The following FBXL13 variants were observed in gnomAD, a reference collection of about 807,000 sequenced individuals.
FBXL13 encodes the protein F-box and leucine rich repeat protein 13, also known as F-box and leucine-rich repeat protein 13.
FBXL13 carries 67 observed loss-of-function variants against 83.6 expected under a neutral mutation model. The ratio of observed to expected loss-of-function variants is 0.80; its 90% CI spans 0.66 to 0.98. FBXL13 has a LOEUF of 0.98. FBXL13 is among the 50% of genes least tolerant of loss of function. The probability of loss-of-function intolerance (pLI) is 0.00; values close to 1 mark genes in which losing one functional copy is unlikely to be tolerated. For missense variants in FBXL13, 822 were observed against 866.5 expected (o/e 0.95, Z 0.64); for synonymous variants, 272 against 299.5 (o/e 0.91, Z 0.95).
At chr7:102,978,396 G>T (rs919266511) in intron 6 of FBXL13, 1 of 152,434 alleles carries the variant, frequency 6.6e-6, no homozygotes, top group Non-Finnish European at 1.5e-5. Flanking sequence ...GTCCCAAGGC[G>T]CAAGGCCACT....
chr7:102,939,629 T>A (rs749420694), intron 8 of FBXL13: 1 of 1,541,018 alleles, frequency 6.5e-7, no homozygotes, highest in South Asian at 1.3e-5. Flanking sequence ...GCAAGTGTTC[T>A]GTGATTTTTT....
chr7:102,969,854 GGAAAA>G (rs200693598), intron 6 of FBXL13, among the ~76,000 whole-genome samples: 7 of 135,164 alleles, frequency 5.2e-5, no homozygotes, highest in South Asian at 2.4e-4. Flanking sequence ...GGGAGGGGAG[GGAAAA>G]GAAAAGAAAA....
intron 8 of FBXL13, among the ~76,000 whole-genome samples, chr7:102,957,363 A>G (rs1824450486): frequency 6.6e-6 from 1 of 152,186 alleles, no homozygotes; most frequent in Non-Finnish European, 1.5e-5. Flanking sequence ...TCCCTTCCTT[A>G]CACCTTATAC....
chr7:103,070,876 TACCTCCCACTGGGCCCC>T (rs1432900518), intron 1 of FBXL13, among the ~76,000 whole-genome samples: 1 of 152,150 alleles, frequency 6.6e-6, no homozygotes, highest in East Asian at 1.9e-4. Context: ...ATGACTCAAA[TACCTCCCACTGGGCCCC>T]ACCTCCAACA....
intron 1 of FBXL13, among the ~76,000 whole-genome samples, chr7:103,059,642 A>G (rs1454736446): frequency 2.0e-5 from 3 of 151,938 alleles, no homozygotes; most frequent in Admixed American, 2.0e-4. Flanking sequence ...AAATTCACAA[A>G]GCAATTACGT....
chr7:102,995,712 G>A (rs191128032), intron 6 of FBXL13, among the ~76,000 whole-genome samples: 175 of 151,560 alleles, frequency 1.2e-3, no homozygotes, highest in African/African-American at 3.7e-3. Context: ...GCTTGATCCC[G>A]GGACGTGGAG....
intron 11 of FBXL13, among the ~76,000 whole-genome samples, chr7:102,893,932 CAG>C (rs1467336767): frequency 2.3e-5 from 3 of 127,982 alleles, no homozygotes; most frequent in African/African-American, 9.4e-5. Context: ...GAGAGAGAGA[CAG>C]AGAAAGAGAA....
intron 6 of FBXL13, among the ~76,000 whole-genome samples, chr7:102,977,958 G>A (rs1457854727): frequency 6.6e-6 from 1 of 152,062 alleles, no homozygotes; most frequent in Non-Finnish European, 1.5e-5. Flanking sequence ...GGGGTGGGGG[G>A]AGAGGGGACG....
chr7:102,951,126 T>A (rs1310514877), intron 8 of FBXL13, among the ~76,000 whole-genome samples: 1 of 152,084 alleles, frequency 6.6e-6, no homozygotes, highest in Non-Finnish European at 1.5e-5. Context: ...ATAGGAAATC[T>A]CTATACCTTC....
At chr7:103,063,842 A>G (rs1798147107) in intron 1 of FBXL13, among the ~76,000 whole-genome samples, 1 of 150,560 alleles carries the variant, frequency 6.6e-6, no homozygotes, top group Non-Finnish European at 1.5e-5. Context: ...GTCATGAGCC[A>G]TCATGTGGGG....
chr7:102,954,501 C>T (rs1412459906), intron 8 of FBXL13, among the ~76,000 whole-genome samples: 2 of 152,182 alleles, frequency 1.3e-5, no homozygotes, highest in African/African-American at 4.8e-5. Flanking sequence ...GCAAAACAAA[C>T]AGCAAACATC....
At chr7:103,044,022 T>C (rs569022844) in intron 2 of FBXL13, among the ~76,000 whole-genome samples, 1 of 152,138 alleles carries the variant, frequency 6.6e-6, no homozygotes, top group Non-Finnish European at 1.5e-5. Flanking sequence ...CCTCCAGATG[T>C]GATGCACTAG....
intron 16 of FBXL13, among the ~76,000 whole-genome samples, chr7:102,858,210 A>T (rs2129451917): frequency 6.6e-6 from 1 of 152,338 alleles, no homozygotes; most frequent in Non-Finnish European, 1.5e-5. Flanking sequence ...CAGAAAGATA[A>T]ATACCACATG....
intron 6 of FBXL13, among the ~76,000 whole-genome samples, chr7:102,990,229 A>G (rs1008784601): frequency 6.6e-6 from 1 of 152,212 alleles, no homozygotes; most frequent in African/African-American, 2.4e-5. Flanking sequence ...CTGGAGGTAC[A>G]GTCAGACCAG....
chr7:102,883,580 T>A (rs183648293), exon 13 of FBXL13: 2 of 1,608,180 alleles, frequency 1.2e-6, no homozygotes, highest in African/African-American at 2.7e-5. Context: ...TCAAATCGGA[T>A]CTTTCTGAGT....
At chr7:103,032,114 G>A (rs1021211578) in intron 2 of FBXL13, among the ~76,000 whole-genome samples, 2 of 152,108 alleles carry the variant, frequency 1.3e-5, no homozygotes, top group Non-Finnish European at 2.9e-5. Context: ...AAAAAGAAGT[G>A]AAATATAAAA....
At chr7:103,050,830 A>C (rs1223108377) in intron 2 of FBXL13, among the ~76,000 whole-genome samples, 1 of 152,228 alleles carries the variant, frequency 6.6e-6, no homozygotes, top group East Asian at 1.9e-4. Context: ...GTACATGCCT[A>C]ATACTGTCAC....
chr7:103,074,739 A>G, upstream of FBXL13: 1 of 1,289,822 alleles, frequency 7.8e-7, no homozygotes, highest in Non-Finnish European at 1.0e-6. Flanking sequence ...GTAGTTCTTC[A>G]GCCTCGGGTT....
intron 11 of FBXL13, among the ~76,000 whole-genome samples, chr7:102,889,637 C>T (rs1231334043): frequency 2.6e-5 from 4 of 151,972 alleles, no homozygotes; most frequent in African/African-American, 4.8e-5. Context: ...GTTCAATTCC[C>T]ACCTATGAGT....
Sources: allele counts gnomAD v4.1 joint callset (sites outside exome capture counted in the v4.1 genomes callset), GRCh38; gene constraint gnomAD v4.1.1; transcripts MANE v1.5; gene names NCBI Gene and HGNC (gene_info 2026-07-23, HGNC 2026-07-21).